PDE1A: variants seen among roughly 807,000 people sequenced by gnomAD.
The protein encoded by PDE1A is dual specificity calcium/calmodulin-dependent 3',5'-cyclic nucleotide phosphodiesterase 1A.
PDE1A carries 35 observed loss-of-function variants against 61.7 expected under a neutral mutation model. The observed-to-expected ratio is 0.57, with a 90% CI of 0.43 to 0.75. PDE1A has a LOEUF of 0.75. Among genes scored for constraint, PDE1A ranks in the 30% least tolerant of loss-of-function variants. The probability of loss-of-function intolerance (pLI) is 0.00; values close to 1 mark genes in which losing one functional copy is unlikely to be tolerated. For missense variants in PDE1A, 597 were observed against 630.6 expected (o/e 0.95, Z 0.57); for synonymous variants, 232 against 213.2 (o/e 1.09, Z -0.77).
chr2:182,669,981 C>T, the PDE1A span, among the ~76,000 whole-genome samples: 1 of 152,178 alleles, frequency 6.6e-6, no homozygotes, highest in Non-Finnish European at 1.5e-5. Context: ...TTGCCAGGTG[C>T]AGGTCATTAA....
Position 182,280,805 on chromosome 2 carries a change from C to A in PDE1A, c.54-16391G>T, listed in dbSNP as rs887962926. ...AATCAATACATGTGACCATCCATCACCTTATTCAAAAGTAAGATTTTATTT... is the reference window on the plus strand; with the variant it reads ...AATCAATACATGTGACCATCCATCAACTTATTCAAAAGTAAGATTTTATTT... On this transcript the variant is annotated intron_variant, in intron 1 of 13. Transcript: ENST00000351439. Among the ~76,000 whole-genome samples the A allele has an allele frequency of 5.5e-4, 84 of 151,910 alleles. 1 individual carries two copies. The highest frequency in any genetic ancestry group is 1.9e-3 in the African/African-American group (79 of 41,510).
chr2:182,489,508 G>T (rs1008704049), intron 2 of PDE1A, among the ~76,000 whole-genome samples: 1 of 152,156 alleles, frequency 6.6e-6, no homozygotes, highest in African/African-American at 2.4e-5. Flanking sequence ...TATTCCAGAT[G>T]TGAGAGATGA....
At chr2:182,426,901 G>C (rs1703659484) in exon 1 of PDE1A, 1 of 1,245,628 alleles carries the variant, frequency 8.0e-7, no homozygotes, top group Admixed American at 3.7e-5. Context: ...ATCCAGGCAA[G>C]AGAAGTGCAC....
the PDE1A span, among the ~76,000 whole-genome samples, chr2:182,529,159 T>A: frequency 6.6e-6 from 1 of 152,134 alleles, no homozygotes; most frequent in African/African-American, 2.4e-5. Flanking sequence ...AGACTCTCAA[T>A]GCCAGTGCAT....
chr2:182,679,310 A>C, the PDE1A span, among the ~76,000 whole-genome samples: 1 of 150,078 alleles, frequency 6.7e-6, no homozygotes, highest in Non-Finnish European at 1.5e-5. Flanking sequence ...TAGCCTCCCA[A>C]GTAGGTGGGA....
the PDE1A span, among the ~76,000 whole-genome samples, chr2:182,655,861 C>A: frequency 1.3e-5 from 2 of 152,206 alleles, no homozygotes; most frequent in African/African-American, 4.8e-5. Flanking sequence ...CAAGGCTTCT[C>A]ACTCCATCTC....
upstream of PDE1A, among the ~76,000 whole-genome samples, chr2:182,526,705 C>G (rs1226549314): frequency 6.6e-6 from 1 of 152,140 alleles, no homozygotes; most frequent in African/African-American, 2.4e-5. Flanking sequence ...TAGTGGCATC[C>G]AAGGTTACCT....
chr2:182,313,551 T>C (rs191204767), intron 1 of PDE1A, among the ~76,000 whole-genome samples: 46 of 152,346 alleles, frequency 3.0e-4, no homozygotes, highest in African/African-American at 1.1e-3. Context: ...CCAGACCACA[T>C]TGAATAGCAG....
the PDE1A span, among the ~76,000 whole-genome samples, chr2:182,548,143 T>G: frequency 6.6e-6 from 1 of 152,222 alleles, no homozygotes; most frequent in East Asian, 1.9e-4. Context: ...TATTCTCATC[T>G]TAAGTCAGTG....
chr2:182,583,810 T>C, the PDE1A span, among the ~76,000 whole-genome samples: 1 of 152,208 alleles, frequency 6.6e-6, no homozygotes, highest in Non-Finnish European at 1.5e-5. Flanking sequence ...TTCGCATGAA[T>C]TTAAAAATCA....
chr2:182,594,977 G>T, the PDE1A span, among the ~76,000 whole-genome samples: 1 of 152,178 alleles, frequency 6.6e-6, no homozygotes, highest in Admixed American at 6.5e-5. Context: ...CAATTATTTA[G>T]ATTTTTGCAA....
At chr2:182,290,415 C>T (rs142557426) in intron 1 of PDE1A, among the ~76,000 whole-genome samples, 35 of 152,188 alleles carry the variant, frequency 2.3e-4, no homozygotes, top group East Asian at 1.9e-3. Flanking sequence ...CTCAACCTTA[C>T]GGCTATTGTC....
the PDE1A span, among the ~76,000 whole-genome samples, chr2:182,626,860 C>T: frequency 1.2e-4 from 3 of 24,802 alleles, no homozygotes; most frequent in African/African-American, 3.0e-4. Flanking sequence ...TATATATATA[C>T]ATATATATAT....
At chr2:182,154,908 A>G (rs1690985259) in intron 13 of PDE1A, among the ~76,000 whole-genome samples, 1 of 152,120 alleles carries the variant, frequency 6.6e-6, no homozygotes, top group Non-Finnish European at 1.5e-5. Flanking sequence ...TAATACTACT[A>G]CTAACAAATT....
At chr2:182,549,163 T>C in the PDE1A span, among the ~76,000 whole-genome samples, 4 of 152,066 alleles carry the variant, frequency 2.6e-5, no homozygotes, top group Non-Finnish European at 5.9e-5. Flanking sequence ...ATGGAGAAAA[T>C]ATTTCAAAAA....
Position 182,181,500 on chromosome 2 carries a change from G to T in PDE1A, c.1516+4392C>A, listed in dbSNP as rs939134888. 3.3e-5 allele frequency among the ~76,000 whole-genome samples: 5 copies of T among 152,186 alleles called. No homozygotes were observed. In the East Asian group the frequency reaches 9.6e-4, roughly 29 times the overall value. ...CTGTATGAGGTGTCTATTGATCCCT[G>T]TTGGGAGGTCTCTCCCAGTCAAGAG... On this transcript the variant is annotated intron_variant, in intron 13 of 13. Coordinates refer to ENST00000351439, the Ensembl canonical transcript of PDE1A.
At chr2:182,285,565 T>C (rs1185493942) in intron 1 of PDE1A, among the ~76,000 whole-genome samples, 2 of 152,110 alleles carry the variant, frequency 1.3e-5, no homozygotes, top group Non-Finnish European at 2.9e-5. Flanking sequence ...GAGTAGAGTA[T>C]AACCTTCTTC....
At chr2:182,485,448 G>T (rs1687956625) in intron 2 of PDE1A, among the ~76,000 whole-genome samples, 1 of 151,952 alleles carries the variant, frequency 6.6e-6, no homozygotes, top group South Asian at 2.1e-4. Flanking sequence ...GAAATAATCT[G>T]TACAACAAAC....
chr2:182,187,472 T>C (rs1025675914), intron 11 of PDE1A, among the ~76,000 whole-genome samples: 2 of 152,186 alleles, frequency 1.3e-5, no homozygotes, highest in African/African-American at 2.4e-5. Context: ...CTGAGAGCAA[T>C]GGACTACCAC....
Sources: allele counts gnomAD v4.1 joint callset (sites outside exome capture counted in the v4.1 genomes callset), GRCh38; gene constraint gnomAD v4.1.1; transcripts MANE v1.5; gene names NCBI Gene and HGNC (gene_info 2026-07-23, HGNC 2026-07-21).